Variants in EDARADD observed in about 807,000 individuals in gnomAD.
The protein encoded by EDARADD is EDAR associated via death domain.
Under a neutral mutation model 25.6 loss-of-function variants are expected in EDARADD, and 20 were observed. The observed-to-expected ratio is 0.78, with a 90% CI of 0.55 to 1.14. EDARADD has a LOEUF of 1.14. Among genes scored for constraint, EDARADD ranks in the 50% most tolerant of loss-of-function variants. The pLI is 0.00. For synonymous variants in EDARADD, 86 were observed against 94.4 expected (o/e 0.91, Z 0.52); for missense variants, 225 against 270.1 (o/e 0.83, Z 1.17).
At chr1:236,447,181 T>C (rs1658571349) in intron 4 of EDARADD, among the ~76,000 whole-genome samples, 1 of 63,110 alleles carries the variant, frequency 1.6e-5, no homozygotes, top group African/African-American at 9.0e-5. Context: ...TCTTTCTTTC[T>C]TTCTTTCTTT....
chr1:236,366,741 C>CTCTTTTTTTTTT (rs146073425), intron 3 of EDARADD, among the ~76,000 whole-genome samples: 3 of 144,270 alleles, frequency 2.1e-5, no homozygotes, highest in East Asian at 2.1e-4. Flanking sequence ...TCATCTCTCT[C>CTCTTTTTTTTTT]TTTTTTTTGT....
At chr1:236,462,726 C>T (rs772100993) in intron 4 of EDARADD, among the ~76,000 whole-genome samples, 7 of 152,242 alleles carry the variant, frequency 4.6e-5, no homozygotes, top group South Asian at 2.1e-4. Flanking sequence ...GCAACTTAGC[C>T]GACTTTCTGT....
At chr1:236,381,801 C>CTTGTTTTTTTTT (rs1667303385) in intron 3 of EDARADD, among the ~76,000 whole-genome samples, 2 of 42,070 alleles carry the variant, frequency 4.8e-5, no homozygotes, top group Non-Finnish European at 7.7e-5. Context: ...CCTGTGGTTG[C>CTTGTTTTTTTTT]TTTTTTTTTT....
intron 4 of EDARADD, among the ~76,000 whole-genome samples, chr1:236,449,628 A>G (rs899489845): frequency 2.0e-5 from 3 of 152,166 alleles, no homozygotes; most frequent in African/African-American, 7.2e-5. Flanking sequence ...ATCTTTTCCT[A>G]TGCATTCTCT....
intron 4 of EDARADD, among the ~76,000 whole-genome samples, chr1:236,463,377 T>C (rs1659090995): frequency 6.6e-6 from 1 of 152,212 alleles, no homozygotes; most frequent in South Asian, 2.1e-4. Context: ...CACTGCAACC[T>C]CCGCCTCCTA....
intron 3 of EDARADD, among the ~76,000 whole-genome samples, chr1:236,377,799 A>T (rs944611329): frequency 6.6e-6 from 1 of 152,012 alleles, no homozygotes; most frequent in African/African-American, 2.4e-5. Context: ...CAGAGGTTGC[A>T]GTGAGCCAAG....
chr1:236,467,139 C>T (rs544258389), intron 4 of EDARADD, among the ~76,000 whole-genome samples: 2 of 151,892 alleles, frequency 1.3e-5, no homozygotes, highest in Non-Finnish European at 2.9e-5. Context: ...ACAGGTGAGA[C>T]TCTCAGACCC....
At chr1:236,386,924 G>A (rs1415840175) in intron 3 of EDARADD, among the ~76,000 whole-genome samples, 2 of 69,878 alleles carry the variant, frequency 2.9e-5, no homozygotes, top group African/African-American at 9.8e-5. Context: ...GGGAGGTGGG[G>A]GGGTCAGCCC....
intron 3 of EDARADD, among the ~76,000 whole-genome samples, chr1:236,360,652 A>T (rs594557): frequency 6.7e-6 from 1 of 149,630 alleles, no homozygotes; most frequent in African/African-American, 2.5e-5. Context: ...CTCAAGTGCC[A>T]CTTCCACCTC....
chr1:236,425,432 C>T (rs1408222428), intron 3 of EDARADD, among the ~76,000 whole-genome samples: 2 of 152,120 alleles, frequency 1.3e-5, no homozygotes, highest in African/African-American at 4.8e-5. Context: ...AGGGAAACTC[C>T]CCTGGGGAAC....
intron 5 of EDARADD, among the ~76,000 whole-genome samples, chr1:236,471,472 GA>G (rs11303149): frequency 0.039 from 5,422 of 139,468 alleles, 219 homozygotes; most frequent in African/African-American, 0.11. Context: ...ACCACACACA[GA>G]AAAAAAAAAA....
intron 4 of EDARADD, among the ~76,000 whole-genome samples, chr1:236,467,422 A>G (rs963978870): frequency 2.1e-4 from 24 of 113,794 alleles, no homozygotes; most frequent in Admixed American, 6.7e-4. Flanking sequence ...AAGCACACAC[A>G]CGCGCACACA....
At chr1:236,434,174 G>A (rs546204711) in intron 4 of EDARADD, among the ~76,000 whole-genome samples, 1 of 152,112 alleles carries the variant, frequency 6.6e-6, no homozygotes, top group East Asian at 1.9e-4. Flanking sequence ...GCCTTATGTG[G>A]CCCAGGACAG....
chr1:236,395,471 G>C lies in EDARADD; in HGVS notation c.61+966G>C. ...AGAAGCGAAGGAGGAGAAGAAGAAG[G>C]GAGGGGAAGGCGGAGGAGGGCAGGG... On this transcript the variant is annotated intron_variant, in intron 1 of 5. Coordinates refer to ENST00000334232, the MANE Select transcript of EDARADD (RefSeq NM_145861.4). This position sits in a 1 kb window ranked among gnomAD's most constrained non-coding sequence, Gnocchi z 6.9. 1 of 1,501,402 alleles carries C rather than the reference G, an allele frequency of 6.7e-7. No homozygotes were observed. The highest frequency in any genetic ancestry group is 2.1e-5 in the Admixed American group (1 of 48,012). The allele number at this position is 1,501,402 out of a possible 1,614,324, so 93.0% of individuals were successfully genotyped here.
intron 3 of EDARADD, among the ~76,000 whole-genome samples, chr1:236,382,543 A>G (rs1667313274): frequency 6.6e-6 from 1 of 152,176 alleles, no homozygotes; most frequent in African/African-American, 2.4e-5. Flanking sequence ...AGATGTTATG[A>G]ATTCACTTCA....
chr1:236,432,757 T>C (rs1206829300), intron 4 of EDARADD, among the ~76,000 whole-genome samples: 1 of 151,858 alleles, frequency 6.6e-6, no homozygotes, highest in Non-Finnish European at 1.5e-5. Flanking sequence ...TGGTGGTGGG[T>C]GCCTGTAATC....
chr1:236,476,539 G>T (rs672544), intron 5 of EDARADD, among the ~76,000 whole-genome samples: 46,132 of 144,198 alleles, frequency 0.32, 7,379 homozygotes, highest in South Asian at 0.42. Flanking sequence ...TTTTTTTTTT[G>T]TTTGAGATGG....
rs1657345962 is a variant in EDARADD, at chr1:236,409,254, A to G, written c.100A>G (p.Ser34Gly). Residue 34 changes from serine to glycine, a missense_variant, in exon 2 of 6, where the codon AGC becomes GGC. Transcript: ENST00000334232. The part of the protein sequence containing the change: ...VKEPVEDTDP[S>G]TLSFNMSDKY... ...GGAACCAGTGGAAGACACAGACCCTAGCACTTTATCCTTTAATATGGTAGG... is the reference window on the plus strand; with the variant it reads ...GGAACCAGTGGAAGACACAGACCCTGGCACTTTATCCTTTAATATGGTAGG... The G allele has an allele frequency of 1.2e-6, 2 of 1,613,248 alleles. No individual in the cohort carries two copies. The highest frequency in any genetic ancestry group is 1.7e-6 in the Non-Finnish European group (2 of 1,179,360).
At chr1:236,394,160 T>G (rs1667471610), upstream of EDARADD, 24 of 419,264 alleles carry the variant, frequency 5.7e-5, 1 homozygote, top group South Asian at 6.4e-4. Context: ...AACTAGTGTT[T>G]CCTGACGGCC....
Sources: allele counts gnomAD v4.1 joint callset (sites outside exome capture counted in the v4.1 genomes callset), GRCh38; gene constraint gnomAD v4.1.1; non-coding constraint Gnocchi (gnomAD v3.1); transcripts MANE v1.5; gene names NCBI Gene and HGNC (gene_info 2026-07-23, HGNC 2026-07-21).